SLC12A1: variants seen among roughly 807,000 people sequenced by gnomAD.
The protein encoded by SLC12A1 is solute carrier family 12 member 1.
In SLC12A1, 89 loss-of-function variants were observed where a neutral mutation model predicts 130.4. The observed-to-expected ratio is 0.68, with a 90% CI of 0.58 to 0.81. SLC12A1 has a LOEUF of 0.81. Among genes scored for constraint, SLC12A1 ranks in the 40% least tolerant of loss-of-function variants. SLC12A1 has a pLI of 0.00. For missense variants in SLC12A1, 1,310 were observed against 1,336.4 expected, an observed-to-expected ratio of 0.98 and a Z score of 0.31; for synonymous variants, 499 against 460.0, an observed-to-expected ratio of 1.08 and a Z score of -1.09.
chr15:48,238,593 G>C (rs1417826494), intron 9 of SLC12A1, among the ~76,000 whole-genome samples: 3 of 152,222 alleles, frequency 2.0e-5, no homozygotes, highest in Non-Finnish European at 2.9e-5. Flanking sequence ...GGCCAACCAT[G>C]TTAAGTTCTG....
At chr15:48,212,509 A>C (rs1355204039) in intron 2 of SLC12A1, among the ~76,000 whole-genome samples, 1 of 152,202 alleles carries the variant, frequency 6.6e-6, no homozygotes, top group African/African-American at 2.4e-5. Context: ...GACATCTGGC[A>C]AAGATTAATC....
Position 48,259,279 on chromosome 15 carries a change from A to G in SLC12A1, c.2122A>G (p.Ser708Gly). ...CATAACTCACGCCTTTACCAAGAAC[A>G]GTGGCCTTTGCATCTGCTGTGAAGT... ...LDITHAFTKN[S>G]GLCICCEVFV... is the part of the protein sequence containing the mutation. Residue 708 changes from serine (S) to glycine (G), a missense_variant, in exon 17 of 27, where the codon AGT becomes GGT. Ser to Gly is a moderately conservative substitution (Grantham distance 56). Coordinates refer to ENST00000380993, the MANE Select transcript of SLC12A1 (RefSeq NM_000338.3). 6.2e-7 allele frequency: 1 copy of G among 1,613,812 alleles called. No individual in the cohort carries two copies. Among genetic ancestry groups the G allele is most frequent in the Non-Finnish European group, 8.5e-7 (1 of 1,179,724 alleles).
intron 21 of SLC12A1, among the ~76,000 whole-genome samples, chr15:48,287,592 A>G (rs550476424): frequency 1.3e-5 from 2 of 152,344 alleles, no homozygotes; most frequent in East Asian, 3.9e-4. Flanking sequence ...ATGAACGGAT[A>G]TTTCTGATTC....
intron 11 of SLC12A1, 138 bp from the exon 12 acceptor site, chr15:48,246,771 C>T: frequency 1.4e-6 from 1 of 698,964 alleles, no homozygotes; most frequent in Non-Finnish European, 2.5e-6. Context: ...TAGAGCGAGA[C>T]TGTCTCAAAC....
At chr15:48,261,278 C>T (rs893692210) in intron 17 of SLC12A1, among the ~76,000 whole-genome samples, 1 of 152,150 alleles carries the variant, frequency 6.6e-6, no homozygotes, top group African/African-American at 2.4e-5. Context: ...GAGAAAGGGT[C>T]GCCTCAGAAA....
rs951816710 is a variant in SLC12A1 at position 48,223,551 on chromosome 15, GA to G, written c.628+2561del. The G allele has an allele frequency of 2.0e-5, 3 of 152,274 alleles. No homozygotes were observed. The Middle Eastern group carries it at 0.01, about 518-fold the overall frequency. 9.4% of individuals were successfully genotyped at this position (152,274 alleles called of 1,614,324 possible). On this transcript the variant is annotated intron_variant, in intron 4 of 26. Coordinates refer to ENST00000380993, the MANE Select transcript of SLC12A1 (RefSeq NM_000338.3). The stretch of plus-strand genomic sequence containing the variant: ...GCAAAAGGATGAATTAAGAATTGTT[GA>G]AAAAACTAGAGTCAAAAGGAAAATA...
At chr15:48,226,677 A>G (rs2041292540) in intron 5 of SLC12A1, 106 bp downstream of exon 5, 2 of 728,246 alleles carry the variant, frequency 2.7e-6, no homozygotes, top group South Asian at 1.7e-5. Context: ...GATGTTCTTG[A>G]AGCCTGGCTA....
At chr15:48,226,284 T>G in intron 4 of SLC12A1, 192 bp from the exon 5 acceptor site, 2 of 506,914 alleles carry the variant, frequency 3.9e-6, no homozygotes, top group South Asian at 6.6e-5. Context: ...AAACCATCCT[T>G]CATCATAATG....
At chr15:48,294,564 A>G (rs1193088850) in intron 24 of SLC12A1, among the ~76,000 whole-genome samples, 2 of 152,228 alleles carry the variant, frequency 1.3e-5, no homozygotes, top group African/African-American at 4.8e-5. Context: ...TTCTGATATG[A>G]ACTGGGTTGT....
chr15:48,228,946 T>C (rs1196008530), intron 5 of SLC12A1: 5 of 354,570 alleles, frequency 1.4e-5, no homozygotes, highest in Non-Finnish European at 2.0e-5. Flanking sequence ...TGTAGCTTTT[T>C]TACATTTATG....
At chr15:48,277,934 T>C (rs2041971014) in intron 20 of SLC12A1, among the ~76,000 whole-genome samples, 1 of 152,148 alleles carries the variant, frequency 6.6e-6, no homozygotes, top group African/African-American at 2.4e-5. Flanking sequence ...CATTAAAAAA[T>C]AAAACAGCGA....
At chr15:48,246,793 A>ACAG in intron 11 of SLC12A1, 116 bp from the exon 12 acceptor site, 1 of 821,164 alleles carries the variant, frequency 1.2e-6, no homozygotes, top group Non-Finnish European at 2.2e-6. Context: ...AACAACAACA[A>ACAG]CAAGAAAAGG....
chr15:48,248,109 G>A (rs1242022601), intron 13 of SLC12A1, among the ~76,000 whole-genome samples: 1 of 152,148 alleles, frequency 6.6e-6, no homozygotes, highest in Non-Finnish European at 1.5e-5. Context: ...CCCCACTTTT[G>A]CTGATGAGCA....
rs2291340 is a variant in SLC12A1, at chr15:48,255,779, T to C, written c.1943-32T>C. The C allele has an allele frequency of 0.24, 326,976 of 1,388,998 alleles. 49,425 individuals are homozygous for C. The highest frequency in any genetic ancestry group is 0.71 in the African/African-American group (50,076 of 70,418). 86.0% of individuals were successfully genotyped at this position (1,388,998 alleles called of 1,614,324 possible). A position where few individuals can be genotyped will look rare whatever the true frequency, so the allele number is the denominator to read the frequency against. On this transcript the variant is annotated intron_variant, in intron 15 of 26. Coordinates refer to ENST00000380993, the MANE Select transcript of SLC12A1 (RefSeq NM_000338.3). Reference sequence around the variant, plus strand: ...ATGGTGCACAGAGGAAAGGTCAGTGTTTTTTATGCCAATTTCCTCCTTTAT... The same window carrying C: ...ATGGTGCACAGAGGAAAGGTCAGTGCTTTTTATGCCAATTTCCTCCTTTAT...
chr15:48,244,824 T>C lies in SLC12A1; in HGVS notation c.1372T>C (p.Ser458Pro), dbSNP rs776105030. The change falls in exon 11 of 27, where the codon TCA (serine) becomes CCA (proline). Residue 458 changes from serine (S) to proline (P), a missense_variant. Coordinates refer to ENST00000380993, the MANE Select transcript of SLC12A1 (RefSeq NM_000338.3). The stretch of plus-strand genomic sequence containing the variant: ...CATTTCTGGGATGAACTGCAATGGT[T>C]CAGCAGCATGTGGGTTGGGCTATGA... ...TIISGMNCNG[S>P]AACGLGYDFS... 1.2e-6 allele frequency: 2 copies of C among 1,613,948 alleles called. No homozygotes were observed. Among genetic ancestry groups the C allele is most frequent in the Non-Finnish European group, 8.5e-7 (1 of 1,179,850 alleles).
chr15:48,232,500 T>C (rs1442346069), intron 7 of SLC12A1, among the ~76,000 whole-genome samples: 1 of 152,238 alleles, frequency 6.6e-6, no homozygotes, highest in East Asian at 1.9e-4. Context: ...CACGTTCAAC[T>C]GCCCAAACAC....
chr15:48,280,657 C>A (rs1014830533), intron 20 of SLC12A1, among the ~76,000 whole-genome samples: 1 of 152,106 alleles, frequency 6.6e-6, no homozygotes, highest in Non-Finnish European at 1.5e-5. Flanking sequence ...TAAAGGATTT[C>A]CAGGTGGTGG....
chr15:48,270,501 G>C (rs928350888), intron 19 of SLC12A1, among the ~76,000 whole-genome samples: 8 of 150,850 alleles, frequency 5.3e-5, no homozygotes, highest in African/African-American at 1.9e-4. Flanking sequence ...TAGTGACAGA[G>C]CTGGAATTCC....
In SLC12A1 at chr15:48,234,189, T is replaced by C. The variant is rs1251420230; in HGVS notation, c.1088-688T>C. Among the ~76,000 whole-genome samples the C allele has an allele frequency of 2.6e-5, 4 of 151,462 alleles. No individual in the cohort carries two copies. In the East Asian group the frequency reaches 7.8e-4, roughly 29 times the overall value. On this transcript the variant is annotated intron_variant, in intron 8 of 26. Coordinates refer to ENST00000380993, the MANE Select transcript of SLC12A1 (RefSeq NM_000338.3). The stretch of plus-strand genomic sequence containing the variant: ...GGTATTTATGCATGTGAGAATGTAG[T>C]TGTGTGTGTGTGTGAATGTGTGTGG...
Sources: gnomAD v4.1 joint callset for allele counts (sites outside exome capture counted in the v4.1 genomes callset) on GRCh38, gnomAD v4.1.1 for gene constraint, MANE v1.5 for transcripts, NCBI Gene and HGNC (gene_info 2026-07-23, HGNC 2026-07-21) for gene names.